The following ATP9A variants were observed in gnomAD, a reference collection of about 807,000 sequenced individuals.
ATP9A encodes probable phospholipid-transporting ATPase IIA.
Under a neutral mutation model 144.1 loss-of-function variants are expected in ATP9A, and 52 were observed. That is an observed-to-expected ratio of 0.36 (90% CI 0.29 to 0.45). The LOEUF (loss-of-function observed/expected upper bound fraction) is 0.45, where lower values mean the gene tolerates loss of function less well. Ranked by LOEUF, ATP9A falls within the 20% of genes least tolerant of loss-of-function variation. The pLI, the probability that ATP9A is intolerant of heterozygous loss-of-function variation, is 1.00. For synonymous variants in ATP9A, 582 were observed against 557.4 expected (o/e 1.04, Z -0.62); for missense variants, 947 against 1,392.7 (o/e 0.68, Z 5.09).
intron 1 of ATP9A, among the ~76,000 whole-genome samples, chr20:51,758,208 T>C (rs2077864520): frequency 6.6e-6 from 1 of 152,214 alleles, no homozygotes; most frequent in African/African-American, 2.4e-5. Flanking sequence ...CATACATATA[T>C]TAATCTTTCA....
At chr20:51,615,845 A>T (rs1457832383) in intron 22 of ATP9A, among the ~76,000 whole-genome samples, 1 of 152,184 alleles carries the variant, frequency 6.6e-6, no homozygotes, top group Admixed American at 6.5e-5. Context: ...CATGTTGGCC[A>T]GGCTGGTCTT....
At chr20:51,657,834 G>C (rs1362370168) in intron 13 of ATP9A, among the ~76,000 whole-genome samples, 1 of 152,170 alleles carries the variant, frequency 6.6e-6, no homozygotes, top group Admixed American at 6.5e-5. Context: ...ACTGCAAAAC[G>C]GCACCTGGCT....
intron 3 of ATP9A, among the ~76,000 whole-genome samples, chr20:51,723,899 A>G (rs75860743): frequency 0.068 from 10,299 of 152,186 alleles, 798 homozygotes; most frequent in African/African-American, 0.19. Context: ...AGCCAGGTGC[A>G]GTGTCTCACG....
intron 23 of ATP9A, among the ~76,000 whole-genome samples, chr20:51,612,172 G>T (rs1488480922): frequency 9.4e-6 from 1 of 106,034 alleles, no homozygotes; most frequent in Non-Finnish European, 2.0e-5. Context: ...TTTCCAGGTG[G>T]GAAGACCGAG....
chr20:51,622,313 C>T, intron 18 of ATP9A, 141 bp from the exon 19 acceptor site: 3 of 662,876 alleles, frequency 4.5e-6, no homozygotes, highest in South Asian at 3.7e-5. Flanking sequence ...GTCCCCAACA[C>T]AACACAGCAA....
chr20:51,712,122 GAGTGC>G (rs1175230326), intron 4 of ATP9A, among the ~76,000 whole-genome samples: 3 of 150,460 alleles, frequency 2.0e-5, no homozygotes, highest in Non-Finnish European at 4.4e-5. Context: ...GCCCAGGCTG[GAGTGC>G]AGTGGCGCGG....
At chr20:51,761,805 C>T (rs1162189273) in intron 1 of ATP9A, among the ~76,000 whole-genome samples, 1 of 151,922 alleles carries the variant, frequency 6.6e-6, no homozygotes, top group Admixed American at 6.6e-5. Context: ...TAAAACAATG[C>T]AAGTTTATTA....
Position 51,656,553 on chromosome 20 carries a change from G to C in ATP9A, c.1506+385C>G, listed in dbSNP as rs557423902. On this transcript the variant is annotated intron_variant, in intron 14 of 27. Transcript: ENST00000338821. ...GGGCAAAAGAGTGAGACTGTATCTC[G>C]GGGAAAAAAATAAAATAAAAAAGTC... is the stretch of plus-strand genomic sequence containing the variant. Among the ~76,000 whole-genome samples, 11 of 152,102 alleles carry C rather than the reference G, an allele frequency of 7.2e-5. No individual in the cohort carries two copies. The South Asian group carries it at 1.9e-3, about 26-fold the overall frequency.
intron 14 of ATP9A, among the ~76,000 whole-genome samples, chr20:51,642,139 T>G (rs957130337): frequency 4.0e-5 from 6 of 149,068 alleles, no homozygotes; most frequent in East Asian, 3.9e-4. Context: ...TGTGCATCTG[T>G]TTTTTTTTGT....
At chr20:51,619,332 G>C (rs990385815) in intron 19 of ATP9A, among the ~76,000 whole-genome samples, 1 of 152,206 alleles carries the variant, frequency 6.6e-6, no homozygotes, top group African/African-American at 2.4e-5. Context: ...GGGAGGCTGA[G>C]GCGGGCAGAT....
chr20:51,731,970 A>T (rs565157359), intron 1 of ATP9A, among the ~76,000 whole-genome samples: 4 of 152,100 alleles, frequency 2.6e-5, no homozygotes, highest in Non-Finnish European at 4.4e-5. Context: ...CACAAAGATG[A>T]TGTCTCAGAG....
rs184228203 is a variant in ATP9A at position 51,703,407 on chromosome 20, G to C, written c.437-5925C>G. Among the ~76,000 whole-genome samples the C allele has an allele frequency of 4.8e-3, 725 of 152,212 alleles. 4 individuals carry two copies. The highest frequency in any genetic ancestry group is 0.021 in the South Asian group (99 of 4,828). The stretch of plus-strand genomic sequence containing the variant: ...AATTCTACAAAGGTAAGAGATTTTT[G>C]CAAAAGTTAAGCGGAAAATTCTCTG... On this transcript the variant is annotated intron_variant, in intron 4 of 27. Transcript: ENST00000338821.
At chr20:51,629,118 T>TC (rs1242928331) in intron 15 of ATP9A, 46 bp from the exon 16 acceptor site, 1 of 1,495,214 alleles carries the variant, frequency 6.7e-7, no homozygotes, top group East Asian at 2.3e-5. Context: ...AGGAACACCC[T>TC]CTTTCAGCGG....
chr20:51,720,901 C>T (rs1203557559), intron 3 of ATP9A, among the ~76,000 whole-genome samples: 2 of 152,138 alleles, frequency 1.3e-5, no homozygotes, highest in Non-Finnish European at 1.5e-5. Flanking sequence ...GCAGGCACCA[C>T]CTGGCAGTTG....
At chr20:51,662,438 G>C (rs542988048) in intron 13 of ATP9A, among the ~76,000 whole-genome samples, 1 of 151,672 alleles carries the variant, frequency 6.6e-6, no homozygotes, top group Non-Finnish European at 1.5e-5. Flanking sequence ...CCAGCTACTC[G>C]GCAGGCTGAG....
At chr20:51,755,343 G>A (rs1374550519) in intron 1 of ATP9A, among the ~76,000 whole-genome samples, 4 of 148,684 alleles carry the variant, frequency 2.7e-5, no homozygotes, top group Admixed American at 6.7e-5. Flanking sequence ...GCTGAGGCAG[G>A]AGAATCGCTT....
chr20:51,640,265 T>C (rs1011239142), intron 14 of ATP9A, among the ~76,000 whole-genome samples: 6 of 152,160 alleles, frequency 3.9e-5, no homozygotes, highest in African/African-American at 1.4e-4. Context: ...TGGGGGAGTG[T>C]CTTCAGTGGT....
At chr20:51,639,600 CAG>C (rs2077310149) in intron 14 of ATP9A, 96 bp from the exon 15 acceptor site, 7 of 1,306,260 alleles carry the variant, frequency 5.4e-6, no homozygotes, top group Non-Finnish European at 6.3e-6. Context: ...GGCTCAGAGA[CAG>C]GGGAATCACA....
chr20:51,648,540 A>C (rs2426340), intron 14 of ATP9A, among the ~76,000 whole-genome samples: 2 of 151,650 alleles, frequency 1.3e-5, no homozygotes, highest in South Asian at 4.2e-4. Flanking sequence ...CCATTAAAAA[A>C]CCTCTTATTG....
Sources: allele counts gnomAD v4.1 joint callset (sites outside exome capture counted in the v4.1 genomes callset), GRCh38; gene constraint gnomAD v4.1.1; transcripts MANE v1.5; gene names NCBI Gene and HGNC (gene_info 2026-07-23, HGNC 2026-07-21).